The following SVIL variants were observed in gnomAD, a reference collection of about 807,000 sequenced individuals.
SVIL encodes archvillin.
SVIL carries 101 observed loss-of-function variants against 240.4 expected under a neutral mutation model. The ratio of observed to expected loss-of-function variants is 0.42; its 90% confidence interval spans 0.36 to 0.50. The LOEUF is 0.50. Among genes scored for constraint, SVIL ranks in the 20% least tolerant of loss-of-function variants. The pLI is 0.01. For missense variants in SVIL, 2,512 were observed against 2,818.7 expected (o/e 0.89, Z 2.46); for synonymous variants, 999 against 1,100.0 (o/e 0.91, Z 1.82).
At chr10:29,580,792 G>A (rs545077692) in intron 1 of SVIL, among the ~76,000 whole-genome samples, 11 of 152,158 alleles carry the variant, frequency 7.2e-5, no homozygotes, top group South Asian at 4.2e-4. Context: ...TCAGCCTCAC[G>A]AGTAGCTGGG....
chr10:29,667,701 T>C (rs1198291055), intron 2 of SVIL, among the ~76,000 whole-genome samples: 2 of 151,720 alleles, frequency 1.3e-5, no homozygotes, highest in African/African-American at 4.8e-5. Flanking sequence ...AGAATAAAAA[T>C]AAGCCAGGTG....
At chr10:29,623,835 A>C (rs1957760246) in intron 1 of SVIL, among the ~76,000 whole-genome samples, 2 of 152,146 alleles carry the variant, frequency 1.3e-5, no homozygotes, top group African/African-American at 2.4e-5. Flanking sequence ...CGGGCCACAG[A>C]GCAAGACTCC....
intron 17 of SVIL, among the ~76,000 whole-genome samples, chr10:29,506,706 G>GGGAGGGGATAGAGACTCTACGAA: frequency 8.1e-6 from 1 of 123,812 alleles, no homozygotes; most frequent in African/African-American, 2.8e-5. Flanking sequence ...GGCCCTACGA[G>GGGAGGGGATAGAGACTCTACGAA]GGAGGGGATA....
In SVIL at chr10:29,487,267, G is replaced by A; in HGVS notation, c.4381C>T (p.Pro1461Ser). 1 of 1,614,176 alleles carries A rather than the reference G, an allele frequency of 6.2e-7. No individual in the cohort carries two copies. Among genetic ancestry groups the A allele is most frequent in the South Asian group, 1.1e-5 (1 of 91,084 alleles). ...CCACTGTTGAGCGCCGAAGCTCGAG[G>A]TTCCACCAGCCTGGTCTGCACATGT... ...RRHVQTRLVE[P>S]RASALNSGDC... The change falls in exon 24 of 38, where the codon CCT becomes TCT. Residue 1461 changes from proline to serine, a missense_variant. Physicochemically the swap from Pro to Ser is moderately conservative, Grantham distance 74. This residue lies in a region of SVIL where 272 missense variants were observed against 406.8 expected (regional missense o/e 0.67). Transcript: ENST00000355867.
intron 1 of SVIL, among the ~76,000 whole-genome samples, chr10:29,624,759 G>C (rs4614341): frequency 6.6e-6 from 1 of 152,018 alleles, no homozygotes; most frequent in Admixed American, 6.6e-5. Context: ...AGTTAGCTTA[G>C]AAAACTCTCT....
chr10:29,473,625 T>G (rs1945838747), intron 30 of SVIL: 1 of 615,598 alleles, frequency 1.6e-6, no homozygotes, highest in Non-Finnish European at 2.8e-6. Flanking sequence ...GATACAACAT[T>G]TTCTCCAGGA....
intron 6 of SVIL, among the ~76,000 whole-genome samples, chr10:29,543,379 T>C (rs1159836454): frequency 6.6e-6 from 1 of 152,216 alleles, no homozygotes. Flanking sequence ...GACCATTGCC[T>C]ACCTATGCTA....
chr10:29,702,741 A>T (rs1352145706), intron 1 of SVIL, among the ~76,000 whole-genome samples: 1 of 152,186 alleles, frequency 6.6e-6, no homozygotes, highest in African/African-American at 2.4e-5. Flanking sequence ...TCTGTGGACA[A>T]TCTGCTCACC....
At chr10:29,488,090 G>A (rs895693477) in intron 23 of SVIL, among the ~76,000 whole-genome samples, 1 of 152,114 alleles carries the variant, frequency 6.6e-6, no homozygotes, top group Non-Finnish European at 1.5e-5. Flanking sequence ...CCTTGCTACG[G>A]ACAGGAAGGG....
chr10:29,599,792 G>A (rs951681452), intron 1 of SVIL, among the ~76,000 whole-genome samples: 1 of 152,134 alleles, frequency 6.6e-6, no homozygotes, highest in African/African-American at 2.4e-5. Flanking sequence ...CAGATAGACA[G>A]GATATGGGTG....
intron 6 of SVIL, among the ~76,000 whole-genome samples, 197 bp downstream of exon 6, chr10:29,550,400 C>A (rs1198913829): frequency 1.3e-5 from 2 of 151,494 alleles, no homozygotes; most frequent in Non-Finnish European, 1.5e-5. Flanking sequence ...TATGATAGTG[C>A]CACTGCCCTC....
intron 1 of SVIL, among the ~76,000 whole-genome samples, chr10:29,619,608 G>A (rs1221649660): frequency 6.8e-6 from 1 of 146,066 alleles, no homozygotes; most frequent in Non-Finnish European, 1.5e-5. Context: ...GATGAGCTTC[G>A]TGGCAATATC....
intron 1 of SVIL, among the ~76,000 whole-genome samples, chr10:29,583,998 T>C (rs1260200199): frequency 6.6e-6 from 1 of 152,058 alleles, no homozygotes; most frequent in Non-Finnish European, 1.5e-5. Context: ...AAACCATGAA[T>C]ACAAGCCACC....
At chr10:29,613,586 C>T (rs1342605239) in intron 1 of SVIL, among the ~76,000 whole-genome samples, 3 of 152,114 alleles carry the variant, frequency 2.0e-5, no homozygotes, top group South Asian at 2.1e-4. Context: ...GATCCTCCTG[C>T]GTAGGCCTCT....
At chr10:29,479,460 G>C (rs1462337892) in intron 29 of SVIL, among the ~76,000 whole-genome samples, 2 of 152,210 alleles carry the variant, frequency 1.3e-5, no homozygotes, top group African/African-American at 4.8e-5. Flanking sequence ...TGCCCTGAGG[G>C]GGCAGGGGGA....
chr10:29,717,832 T>C (rs533432363), intron 1 of SVIL, among the ~76,000 whole-genome samples: 29 of 152,328 alleles, frequency 1.9e-4, no homozygotes, highest in African/African-American at 4.8e-4. Context: ...CTTTTTCAAC[T>C]ATAAATTTTA....
In SVIL at chr10:29,509,330, GGAGAGAGAGAGAGAGAGAGA is replaced by G. The variant is rs66616602; in HGVS notation, c.3516+3385_3516+3404del. Among the ~76,000 whole-genome samples the G allele has an allele frequency of 2.9e-3, 191 of 66,912 alleles. 2 individuals carry two copies. Among genetic ancestry groups the G allele is most frequent in the Middle Eastern group, 0.013 (1 of 78 alleles). The allele number at this position is 66,912 out of a possible 152,430, so 43.9% of individuals were successfully genotyped here. A position where few individuals can be genotyped will look rare whatever the true frequency, so the allele number is the denominator to read the frequency against. ...GAGAGAAAGGGAGAAGGAGGGGGAG[GGAGAGAGAGAGAGAGAGAGA>G]GAGAGAGAGAGAGAGAGAGAGAGAG... is the stretch of plus-strand genomic sequence containing the variant. On this transcript the variant is annotated intron_variant, in intron 17 of 37. Transcript: ENST00000355867.
At chr10:29,486,345 A>T in intron 25 of SVIL, 65 bp downstream of exon 25, 1 of 1,598,836 alleles carries the variant, frequency 6.3e-7, no homozygotes, top group Non-Finnish European at 8.5e-7. Context: ...AAATAGAAGA[A>T]TGAGCTAAGG....
At chr10:29,506,423 A>C (rs1949278804) in intron 17 of SVIL, among the ~76,000 whole-genome samples, 1 of 151,986 alleles carries the variant, frequency 6.6e-6, no homozygotes, top group Non-Finnish European at 1.5e-5. Context: ...AGAAGTGGGG[A>C]GTTTCCATCT....
Sources: gnomAD v4.1 joint callset for allele counts (sites outside exome capture counted in the v4.1 genomes callset) on GRCh38, gnomAD v4.1.1 for gene constraint, gnomAD v4.1.1 regional missense constraint, MANE v1.5 for transcripts, NCBI Gene and HGNC (gene_info 2026-07-23, HGNC 2026-07-21) for gene names.